The following TAFA5 variants were observed in gnomAD, a reference collection of about 807,000 sequenced individuals.
TAFA5 encodes the protein TAFA chemokine like family member 5.
Under a neutral mutation model 15.3 loss-of-function variants are expected in TAFA5, and 6 were observed. That is an observed-to-expected ratio of 0.39 (90% CI 0.21 to 0.77). The LOEUF is 0.77. Among genes scored for constraint, TAFA5 ranks in the 30% least tolerant of loss-of-function variants. TAFA5 has a pLI of 0.41. For synonymous variants in TAFA5, 103 were observed against 80.7 expected, an observed-to-expected ratio of 1.28 and a Z score of -1.48; for missense variants, 161 against 193.1, an observed-to-expected ratio of 0.83 and a Z score of 0.98.
chr22:48,611,103 T>G (rs1427870243), intron 1 of TAFA5, among the ~76,000 whole-genome samples: 1 of 152,132 alleles, frequency 6.6e-6, no homozygotes, highest in Non-Finnish European at 1.5e-5. Flanking sequence ...CCAGCTAATT[T>G]TTTGTATATT....
At chr22:48,631,719 C>T (rs554674534) in intron 1 of TAFA5, among the ~76,000 whole-genome samples, 8 of 152,324 alleles carry the variant, frequency 5.3e-5, no homozygotes, top group South Asian at 2.1e-4. Context: ...CTGGATCTCA[C>T]GTTGAGAGGA....
At chr22:48,671,572 G>A (rs1368893455) in intron 2 of TAFA5, among the ~76,000 whole-genome samples, 1 of 152,188 alleles carries the variant, frequency 6.6e-6, no homozygotes, top group Non-Finnish European at 1.5e-5. Flanking sequence ...TGACTGTTGG[G>A]ATGGAACAGT....
Position 48,489,730 on chromosome 22 carries a change from G to C in TAFA5, c.112+26G>C, listed in dbSNP as rs375296404. On this transcript the variant is annotated intron_variant, in intron 1 of 3. Transcript: ENST00000402357. The surrounding 1 kb of genome is among the most constrained non-coding windows in gnomAD (Gnocchi z 5.5). ...GTGAGTACCGCGCGGCCCCGGCCCC[G>C]GCACGGCCCTCTGGGCCCCGGACCC... 5,066 of 1,373,994 alleles carry C rather than the reference G, an allele frequency of 3.7e-3. 13 individuals carry two copies. Among genetic ancestry groups the C allele is most frequent in the Non-Finnish European group, 4.4e-3 (4,617 of 1,041,952 alleles). 85.1% of individuals were successfully genotyped at this position (1,373,994 alleles called of 1,614,324 possible).
At chr22:48,537,112 C>G (rs747928589) in intron 1 of TAFA5, among the ~76,000 whole-genome samples, 2 of 152,072 alleles carry the variant, frequency 1.3e-5, no homozygotes, top group African/African-American at 4.8e-5. Context: ...TGGGGAGGTC[C>G]CGCTGACTTG....
intron 2 of TAFA5, among the ~76,000 whole-genome samples, chr22:48,697,373 A>T (rs1928745926): frequency 1.3e-5 from 2 of 152,064 alleles, no homozygotes; most frequent in Non-Finnish European, 2.9e-5. Flanking sequence ...GATGACGATG[A>T]TGATGGTGGT....
chr22:48,602,054 C>T (rs2147166028), intron 1 of TAFA5, among the ~76,000 whole-genome samples: 2 of 152,286 alleles, frequency 1.3e-5, no homozygotes. Context: ...TGGCTGGCAC[C>T]AGCCTTCATC....
chr22:48,713,332 G>A (rs1488100790), intron 3 of TAFA5, among the ~76,000 whole-genome samples: 8 of 152,216 alleles, frequency 5.3e-5, no homozygotes, highest in Admixed American at 2.6e-4. Flanking sequence ...ATTCCACCCC[G>A]GCCAGGCATC....
intron 1 of TAFA5, among the ~76,000 whole-genome samples, chr22:48,504,365 G>A (rs1313438527): frequency 3.3e-5 from 5 of 152,238 alleles, no homozygotes; most frequent in African/African-American, 7.2e-5. Context: ...CCATGGGGGC[G>A]CTGCCCTGCA....
chr22:48,621,946 T>A (rs565477993), intron 1 of TAFA5, among the ~76,000 whole-genome samples: 2 of 152,196 alleles, frequency 1.3e-5, no homozygotes, highest in Non-Finnish European at 2.9e-5. Flanking sequence ...TGTTTCTGTT[T>A]TCCTAGATGA....
intron 1 of TAFA5, among the ~76,000 whole-genome samples, chr22:48,618,459 C>T (rs1301230946): frequency 6.6e-6 from 1 of 152,238 alleles, no homozygotes; most frequent in Non-Finnish European, 1.5e-5. Flanking sequence ...GATTTACTTG[C>T]TCATAAAGTT....
intron 2 of TAFA5, among the ~76,000 whole-genome samples, chr22:48,665,204 A>G (rs4925400): frequency 0.34 from 51,699 of 151,950 alleles, 10,519 homozygotes; most frequent in African/African-American, 0.55. Flanking sequence ...GAGTGGCCCA[A>G]TAGCTGCTTT....
At chr22:48,548,649 C>T (rs1289670449) in intron 1 of TAFA5, among the ~76,000 whole-genome samples, 2 of 152,208 alleles carry the variant, frequency 1.3e-5, no homozygotes, top group Non-Finnish European at 2.9e-5. Flanking sequence ...CTGCATTTCA[C>T]AGGGGCAGGC....
intron 2 of TAFA5, among the ~76,000 whole-genome samples, chr22:48,674,924 ACGATTTG>A: frequency 6.7e-6 from 1 of 150,336 alleles, no homozygotes; most frequent in East Asian, 2.0e-4. Context: ...CAGAGGCCAA[ACGATTTG>A]CTGTCTGGCC....
intron 3 of TAFA5, among the ~76,000 whole-genome samples, chr22:48,719,452 A>G (rs1929502950): frequency 6.6e-6 from 1 of 152,216 alleles, no homozygotes; most frequent in South Asian, 2.1e-4. Flanking sequence ...GGTGGCTGCG[A>G]TGGCCAGGGG....
At chr22:48,719,458 A>G (rs1488332017) in intron 3 of TAFA5, among the ~76,000 whole-genome samples, 1 of 152,220 alleles carries the variant, frequency 6.6e-6, no homozygotes, top group East Asian at 1.9e-4. Flanking sequence ...TGCGATGGCC[A>G]GGGGAGAGGA....
intron 1 of TAFA5, among the ~76,000 whole-genome samples, chr22:48,559,108 G>C (rs1187536220): frequency 6.6e-6 from 1 of 152,160 alleles, no homozygotes. Context: ...GTGCCGAGGG[G>C]CCCAAGGAGG....
At chr22:48,709,660 G>T (rs1267567167) in intron 3 of TAFA5, among the ~76,000 whole-genome samples, 1 of 152,208 alleles carries the variant, frequency 6.6e-6, no homozygotes, top group Admixed American at 6.5e-5. Context: ...TGAGGCCCAC[G>T]AGGCGCCCAG....
At chr22:48,573,536 A>G (rs1923657485) in intron 1 of TAFA5, among the ~76,000 whole-genome samples, 1 of 151,072 alleles carries the variant, frequency 6.6e-6, no homozygotes, top group African/African-American at 2.4e-5. Flanking sequence ...CACTCTTCGG[A>G]AGCCCTACAC....
chr22:48,710,237 G>A (rs183837086), intron 3 of TAFA5, among the ~76,000 whole-genome samples: 254 of 152,276 alleles, frequency 1.7e-3, no homozygotes, highest in African/African-American at 3.7e-3. Flanking sequence ...GAAGCCCCCC[G>A]TATGCAGGGC....
Sources: gnomAD v4.1 joint callset for allele counts (sites outside exome capture counted in the v4.1 genomes callset) on GRCh38, gnomAD v4.1.1 for gene constraint, Gnocchi (gnomAD v3.1) non-coding constraint, MANE v1.5 for transcripts, NCBI Gene and HGNC (gene_info 2026-07-23, HGNC 2026-07-21) for gene names.